FNDC3B: variants seen among roughly 807,000 people sequenced by gnomAD.
The protein encoded by FNDC3B is fibronectin type III domain-containing protein 3B.
Under a neutral mutation model 151.5 loss-of-function variants are expected in FNDC3B, and 12 were observed. The observed-to-expected ratio is 0.08, with a 90% confidence interval of 0.05 to 0.13. The LOEUF is 0.13. FNDC3B is among the 10% of genes least tolerant of loss of function. FNDC3B has a pLI of 1.00. For synonymous variants in FNDC3B, 528 were observed against 549.0 expected, an observed-to-expected ratio of 0.96 and a Z score of 0.54; for missense variants, 1,214 against 1,505.3, an observed-to-expected ratio of 0.81 and a Z score of 3.20.
intron 7 of FNDC3B, among the ~76,000 whole-genome samples, chr3:172,287,348 G>A (rs974098688): frequency 1.3e-5 from 2 of 152,170 alleles, no homozygotes; most frequent in Non-Finnish European, 2.9e-5. Flanking sequence ...TAGATACAGC[G>A]GGCGGTCGCA....
At chr3:172,357,915 A>T (rs1337663240) in intron 22 of FNDC3B, among the ~76,000 whole-genome samples, 1 of 152,216 alleles carries the variant, frequency 6.6e-6, no homozygotes, top group Non-Finnish European at 1.5e-5. Flanking sequence ...TCAGGGCCAG[A>T]TGCTGTTTAA....
intron 6 of FNDC3B, among the ~76,000 whole-genome samples, chr3:172,276,314 T>C (rs540148919): frequency 6.6e-6 from 1 of 152,286 alleles, no homozygotes; most frequent in African/African-American, 2.4e-5. Context: ...GCCCAGAAGA[T>C]AGCTTGAAGA....
At chr3:172,214,466 C>T (rs6803181) in intron 3 of FNDC3B, among the ~76,000 whole-genome samples, 128,029 of 152,122 alleles carry the variant, frequency 0.84, 54,207 homozygotes, top group Middle Eastern at 0.92. Flanking sequence ...TCCAGCCTGA[C>T]ACTGAAGTGA....
At position 172,198,672 on chromosome 3, in the gene FNDC3B, G is replaced by A. The variant is rs189257293; in HGVS notation, c.188-28199G>A. Reference sequence around the variant, plus strand: ...GACTGTTTTCCACATTGCATAACAGGCCATTCTTTTATGTGGATACTCCAT... The same window carrying A: ...GACTGTTTTCCACATTGCATAACAGACCATTCTTTTATGTGGATACTCCAT... On this transcript the variant is annotated intron_variant, in intron 3 of 25. Coordinates refer to ENST00000415807, the MANE Select transcript of FNDC3B (RefSeq NM_022763.4). 3.0e-3 allele frequency among the ~76,000 whole-genome samples: 449 copies of A among 152,196 alleles called. 1 individual carries two copies. Among genetic ancestry groups the A allele is most frequent in the African/African-American group, 9.9e-3 (411 of 41,506 alleles).
chr3:172,103,750 A>G lies in FNDC3B; in HGVS notation c.-28-8702A>G, dbSNP rs185248677. On this transcript the variant is annotated intron_variant, in intron 1 of 25. Coordinates refer to ENST00000415807, the MANE Select transcript of FNDC3B (RefSeq NM_022763.4). ...CTAAATCTTTTATGCTTATAATTGG[A>G]TGTAAAACGCAAGAACGTTTTTAAG... 5.9e-5 allele frequency among the ~76,000 whole-genome samples: 9 copies of G among 152,324 alleles called. No individual in the cohort carries two copies. The East Asian group carries it at 1.7e-3, about 29-fold the overall frequency.
chr3:172,191,157 G>A (rs771352408), intron 3 of FNDC3B, among the ~76,000 whole-genome samples: 3 of 152,106 alleles, frequency 2.0e-5, no homozygotes, highest in Non-Finnish European at 2.9e-5. Context: ...TTTGCCCAAG[G>A]TTGCACAGCA....
chr3:172,229,046 C>A (rs766943821), intron 4 of FNDC3B, among the ~76,000 whole-genome samples: 1 of 146,302 alleles, frequency 6.8e-6, no homozygotes. Context: ...GAGATAGGAG[C>A]AAGATACATT....
chr3:172,191,142 T>A (rs1011046234), intron 3 of FNDC3B, among the ~76,000 whole-genome samples: 1 of 152,196 alleles, frequency 6.6e-6, no homozygotes, highest in Non-Finnish European at 1.5e-5. Flanking sequence ...AGAGAAGCCA[T>A]GTAATTTGCC....
intron 11 of FNDC3B, among the ~76,000 whole-genome samples, chr3:172,315,223 A>G (rs1731720197): frequency 1.3e-5 from 2 of 152,154 alleles, no homozygotes; most frequent in African/African-American, 2.4e-5. Context: ...CTAAAATACA[A>G]AAAATTAGCT....
rs375725811 is a variant in FNDC3B, at chr3:172,153,624, T to C, written c.187+20078T>C. Among the ~76,000 whole-genome samples, 6 of 152,304 alleles carry C rather than the reference T, an allele frequency of 3.9e-5. No individual in the cohort carries two copies. In the South Asian group the frequency reaches 1.0e-3, roughly 26 times the overall value. ...TATTCAGGTTTCCTGGTAGATATAC[T>C]TAAAAGACACCTTTCTTATAGGAAG... On this transcript the variant is annotated intron_variant, in intron 3 of 25. Transcript: ENST00000415807.
chr3:172,132,755 G>A (rs568970306), intron 2 of FNDC3B, among the ~76,000 whole-genome samples: 2 of 152,168 alleles, frequency 1.3e-5, no homozygotes, highest in South Asian at 2.1e-4. Flanking sequence ...ATATCAATTA[G>A]TGATTTTTTT....
intron 2 of FNDC3B, among the ~76,000 whole-genome samples, chr3:172,125,784 C>A (rs1243768701): frequency 6.6e-6 from 1 of 152,174 alleles, no homozygotes; most frequent in Non-Finnish European, 1.5e-5. Flanking sequence ...TTCTACTTTT[C>A]CTGTTTTCTA....
Position 172,241,537 on chromosome 3 carries a change from C to T in FNDC3B, c.265-5996C>T, listed in dbSNP as rs568662389. On this transcript the variant is annotated intron_variant, in intron 4 of 25. Transcript: ENST00000415807. ...AATCATGGTAGAAGGCAAGGAAAAG[C>T]AAGTCACATCTTACATGGATGGCAG... Among the ~76,000 whole-genome samples the T allele has an allele frequency of 7.3e-5, 11 of 151,612 alleles. No individual in the cohort carries two copies. The South Asian group carries it at 2.3e-3, about 32-fold the overall frequency.
chr3:172,194,420 T>G (rs1272359972), intron 3 of FNDC3B, among the ~76,000 whole-genome samples: 1 of 152,186 alleles, frequency 6.6e-6, no homozygotes, highest in Non-Finnish European at 1.5e-5. Context: ...CATGTTTTTG[T>G]TTTTGGTTAT....
chr3:172,173,595 G>A (rs1416205980), intron 3 of FNDC3B, among the ~76,000 whole-genome samples: 6 of 143,048 alleles, frequency 4.2e-5, no homozygotes, highest in African/African-American at 1.6e-4. Flanking sequence ...AGGAGTTTGA[G>A]ACCAGCCTGG....
chr3:172,349,511 A>T (rs1253233735), intron 21 of FNDC3B, among the ~76,000 whole-genome samples: 1 of 152,192 alleles, frequency 6.6e-6, no homozygotes, highest in Non-Finnish European at 1.5e-5. Context: ...AAAGTGGTGT[A>T]AATCAAGAAA....
chr3:172,107,184 C>T (rs887370186), intron 1 of FNDC3B, among the ~76,000 whole-genome samples: 4 of 151,954 alleles, frequency 2.6e-5, no homozygotes, highest in African/African-American at 7.3e-5. Context: ...GAAGCACTTG[C>T]GGTTTTAGTG....
At chr3:172,051,648 C>T (rs560680912) in intron 1 of FNDC3B, among the ~76,000 whole-genome samples, 45 of 152,202 alleles carry the variant, frequency 3.0e-4, no homozygotes, top group East Asian at 2.9e-3. Flanking sequence ...CATAAATCAC[C>T]GCTAAAGAAC....
intron 6 of FNDC3B, among the ~76,000 whole-genome samples, chr3:172,259,528 G>A (rs1341798773): frequency 6.6e-6 from 1 of 152,080 alleles, no homozygotes; most frequent in Non-Finnish European, 1.5e-5. Context: ...TTCTGACTTG[G>A]GCCTTATCCT....
Sources: gnomAD v4.1 joint callset for allele counts (sites outside exome capture counted in the v4.1 genomes callset) on GRCh38, gnomAD v4.1.1 for gene constraint, MANE v1.5 for transcripts, NCBI Gene and HGNC (gene_info 2026-07-23, HGNC 2026-07-21) for gene names.